The following CRISPLD2 variants were observed in gnomAD, a reference collection of about 807,000 sequenced individuals.
CRISPLD2 encodes the protein cysteine-rich secretory protein LCCL domain-containing 2.
CRISPLD2 carries 47 observed loss-of-function variants against 71.1 expected under a neutral mutation model. That is an observed-to-expected ratio of 0.66 (90% CI 0.52 to 0.84). CRISPLD2 has a LOEUF of 0.84. Ranked by LOEUF, CRISPLD2 falls within the 40% of genes least tolerant of loss-of-function variation. CRISPLD2 has a pLI of 0.00. For missense variants in CRISPLD2, 830 were observed against 651.1 expected (o/e 1.27, Z -2.99); for synonymous variants, 317 against 250.1 (o/e 1.27, Z -2.52).
At chr16:84,853,897 G>A (rs1917159090) in intron 5 of CRISPLD2, among the ~76,000 whole-genome samples, 1 of 152,234 alleles carries the variant, frequency 6.6e-6, no homozygotes, top group African/African-American at 2.4e-5. Context: ...GGCAGCCTGG[G>A]GCCCAAGCCG....
chr16:84,876,941 C>T (rs2071524047), intron 11 of CRISPLD2, among the ~76,000 whole-genome samples: 2 of 152,344 alleles, frequency 1.3e-5, no homozygotes, highest in Admixed American at 6.5e-5. Context: ...AAGCCCCTCG[C>T]CCCTCAGCAG....
intron 11 of CRISPLD2, among the ~76,000 whole-genome samples, chr16:84,874,184 C>T (rs973654330): frequency 2.0e-5 from 3 of 152,154 alleles, no homozygotes; most frequent in Admixed American, 6.5e-5. Context: ...AAACACAGGG[C>T]TGAGGTTGCC....
At chr16:84,864,212 C>T (rs957989687) in intron 6 of CRISPLD2, among the ~76,000 whole-genome samples, 4 of 152,084 alleles carry the variant, frequency 2.6e-5, no homozygotes, top group African/African-American at 9.7e-5. Context: ...TTCCCCAGGC[C>T]CGTGCTGGGC....
At position 84,868,833 on chromosome 16, in the gene CRISPLD2, C is replaced by A. The variant is rs1333521499; in HGVS notation, c.854-18C>A. On this transcript the variant is annotated intron_variant, in intron 7 of 14. Coordinates refer to ENST00000262424, the MANE Select transcript of CRISPLD2 (RefSeq NM_031476.4). ...CTGGTTTCGTGCCGTGACATGTATT[C>A]CCGCATTTCTCTCCTAGCCCAAGTC... 1.2e-5 allele frequency: 19 copies of A among 1,609,644 alleles called. No individual in the cohort carries two copies. Among genetic ancestry groups the A allele is most frequent in the Non-Finnish European group, 1.6e-5 (19 of 1,176,996 alleles).
At chr16:84,888,190 C>G (rs1373499844) in intron 13 of CRISPLD2, among the ~76,000 whole-genome samples, 1 of 152,228 alleles carries the variant, frequency 6.6e-6, no homozygotes. Context: ...TTTCCGGCTT[C>G]TAGAGGCCAC....
At chr16:84,861,097 T>A (rs1917366692) in intron 6 of CRISPLD2, among the ~76,000 whole-genome samples, 1 of 152,166 alleles carries the variant, frequency 6.6e-6, no homozygotes, top group Admixed American at 6.5e-5. Context: ...CAAATGCATT[T>A]ATTGTGCATA....
At chr16:84,847,146 C>T (rs1309921804) in intron 3 of CRISPLD2, among the ~76,000 whole-genome samples, 5 of 152,214 alleles carry the variant, frequency 3.3e-5, no homozygotes, top group Admixed American at 2.0e-4. Context: ...TTTAGACAGC[C>T]TCTTAAAATG....
intron 8 of CRISPLD2, among the ~76,000 whole-genome samples, 171 bp downstream of exon 8, chr16:84,869,082 C>T (rs79533792): frequency 0.019 from 2,932 of 152,286 alleles, 95 homozygotes; most frequent in African/African-American, 0.067. Flanking sequence ...GGCATGTGTT[C>T]GCCTCGGCCG....
intron 2 of CRISPLD2, among the ~76,000 whole-genome samples, chr16:84,841,116 G>T (rs761016211): frequency 6.6e-6 from 1 of 152,238 alleles, no homozygotes; most frequent in Non-Finnish European, 1.5e-5. Flanking sequence ...TATGAGTTGT[G>T]CAGAGTTAGA....
chr16:84,904,609 A>T (rs112251904), intron 14 of CRISPLD2, among the ~76,000 whole-genome samples: 2,568 of 147,934 alleles, frequency 0.017, 75 homozygotes, highest in African/African-American at 0.063. Context: ...AAAAAATTTA[A>T]AAAAAAAATT....
At chr16:84,877,224 C>T (rs1038757426) in intron 11 of CRISPLD2, among the ~76,000 whole-genome samples, 10 of 152,220 alleles carry the variant, frequency 6.6e-5, no homozygotes, top group African/African-American at 2.4e-4. Context: ...ACAACGCCCT[C>T]AACCCGCCAA....
chr16:84,874,531 C>T (rs1567697506), intron 11 of CRISPLD2, among the ~76,000 whole-genome samples: 1 of 152,216 alleles, frequency 6.6e-6, no homozygotes, highest in Non-Finnish European at 1.5e-5. Flanking sequence ...GCTGCCCACA[C>T]TGTGCCCTTG....
chr16:84,909,197 C>T lies in CRISPLD2; in HGVS notation c.*2555C>T, dbSNP rs952615407. Reference sequence around the variant, plus strand: ...CAACGGCGTTCCTGGCTCTCCTGCCCACAGGATGAACATTTTCGGCTTCCT... The same window carrying T: ...CAACGGCGTTCCTGGCTCTCCTGCCTACAGGATGAACATTTTCGGCTTCCT... On this transcript the variant is annotated 3_prime_UTR_variant, in exon 15 of 15. Coordinates refer to ENST00000262424, the MANE Select transcript of CRISPLD2 (RefSeq NM_031476.4). The T allele has an allele frequency of 5.2e-5, 8 of 152,644 alleles. No homozygotes were observed. Among genetic ancestry groups the T allele is most frequent in the African/African-American group, 1.9e-4 (8 of 41,454 alleles). 9.5% of individuals were successfully genotyped at this position (152,644 alleles called of 1,614,324 possible). A position where few individuals can be genotyped will look rare whatever the true frequency, so the allele number is the denominator to read the frequency against.
chr16:84,886,572 T>C (rs1597479709), intron 13 of CRISPLD2, among the ~76,000 whole-genome samples: 1 of 152,100 alleles, frequency 6.6e-6, no homozygotes, highest in Non-Finnish European at 1.5e-5. Context: ...CCTGTAATCC[T>C]GAGGTTTTGG....
rs557725974 is a variant in CRISPLD2, at chr16:84,848,363, C to T, written c.360-1022C>T. Reference sequence around the variant, plus strand: ...GGCCCTTAAAAATGGTCATTTCCCCCGTGAGCATTTTCTCTTCATCGAAAC... The same window carrying T: ...GGCCCTTAAAAATGGTCATTTCCCCTGTGAGCATTTTCTCTTCATCGAAAC... On this transcript the variant is annotated intron_variant, in intron 3 of 14. Transcript: ENST00000262424. Among the ~76,000 whole-genome samples the T allele has an allele frequency of 4.6e-5, 7 of 152,230 alleles. No individual in the cohort carries two copies. In the South Asian group the frequency reaches 1.0e-3, roughly 23 times the overall value.
At chr16:84,852,023 G>GGTGGCAGATCAAGGT (rs532661344) in intron 5 of CRISPLD2, among the ~76,000 whole-genome samples, 1,522 of 152,190 alleles carry the variant, frequency 0.01, 18 homozygotes, top group African/African-American at 0.035. Flanking sequence ...TGGACCAAGG[G>GGTGGCAGATCAAGGT]GTGGCAGATC....
chr16:84,876,897 T>C (rs377408293), intron 11 of CRISPLD2, among the ~76,000 whole-genome samples: 15 of 152,328 alleles, frequency 9.8e-5, no homozygotes, highest in East Asian at 5.8e-4. Context: ...CTTACCTGTG[T>C]TGTTTAAACA....
chr16:84,897,860 G>C (rs1418062626), intron 14 of CRISPLD2, among the ~76,000 whole-genome samples: 1 of 152,166 alleles, frequency 6.6e-6, no homozygotes, highest in African/African-American at 2.4e-5. Flanking sequence ...CAGGTGATCC[G>C]CCTGCCTTGG....
intron 12 of CRISPLD2, among the ~76,000 whole-genome samples, chr16:84,878,007 GAGACCAT>G (rs71820307): frequency 0.022 from 3,198 of 148,742 alleles, 125 homozygotes; most frequent in African/African-American, 0.075. Context: ...TCAGGAGATC[GAGACCAT>G]CCTGGCTAAC....
Sources: allele counts gnomAD v4.1 joint callset (sites outside exome capture counted in the v4.1 genomes callset), GRCh38; gene constraint gnomAD v4.1.1; transcripts MANE v1.5; gene names NCBI Gene and HGNC (gene_info 2026-07-23, HGNC 2026-07-21).